PPP1R21: variants seen among roughly 807,000 people sequenced by gnomAD.
The protein encoded by PPP1R21 is KLRAQ motif containing 1.
Under a neutral mutation model 112.8 loss-of-function variants are expected in PPP1R21, and 85 were observed. The ratio of observed to expected loss-of-function variants is 0.75; its 90% CI spans 0.63 to 0.90. The LOEUF (loss-of-function observed/expected upper bound fraction) is 0.90, where lower values mean the gene tolerates loss of function less well. PPP1R21 is among the 40% of genes least tolerant of loss of function. The pLI, the probability that PPP1R21 is intolerant of heterozygous loss-of-function variation, is 0.00. For synonymous variants in PPP1R21, 381 were observed against 322.3 expected, an observed-to-expected ratio of 1.18 and a Z score of -1.95; for missense variants, 1,199 against 901.5, an observed-to-expected ratio of 1.33 and a Z score of -4.23.
intron 9 of PPP1R21, among the ~76,000 whole-genome samples, chr2:48,469,567 CAT>C (rs58651401): frequency 3.0e-4 from 26 of 87,086 alleles, no homozygotes; most frequent in African/African-American, 7.7e-4. Flanking sequence ...AGAGAGAGAG[CAT>C]ATATATATAT....
chr2:48,504,273 T>C (rs1346750745), intron 17 of PPP1R21, among the ~76,000 whole-genome samples: 1 of 152,188 alleles, frequency 6.6e-6, no homozygotes, highest in African/African-American at 2.4e-5. Context: ...GGCATAACAT[T>C]CATTAGTACA....
In PPP1R21 at chr2:48,498,746, T is replaced by A. The variant is rs754046726; in HGVS notation, c.1935+11T>A. ...CAGAGCACCAGTCTAGTAAGTGTCT[T>A]CTTGGTTGTCCTCAGTTTTCTTTTT... On this transcript the variant is annotated intron_variant, in intron 17 of 21. Coordinates refer to ENST00000294952, the MANE Select transcript of PPP1R21 (RefSeq NM_001135629.3). 3 of 1,611,086 alleles carry A rather than the reference T, an allele frequency of 1.9e-6. No individual in the cohort carries two copies. The South Asian group carries it at 3.3e-5, about 18-fold the overall frequency.
At position 48,469,535 on chromosome 2, in the gene PPP1R21, T is replaced by TATAG. The variant is rs1553339307; in HGVS notation, c.898-1551_898-1550insTAGA. ...ATATATATATATATATATATATATA[T>TATAG]AGAGCATATATATATATAGAGAGAG... On this transcript the variant is annotated intron_variant, in intron 9 of 21. Coordinates refer to ENST00000294952, the MANE Select transcript of PPP1R21 (RefSeq NM_001135629.3). 6.8e-5 allele frequency among the ~76,000 whole-genome samples: 5 copies of TATAG among 73,224 alleles called. 1 individual carries two copies. Among genetic ancestry groups the TATAG allele is most frequent in the South Asian group, 9.4e-4 (2 of 2,124 alleles). The allele number at this position is 73,224 out of a possible 152,430, so 48.0% of individuals were successfully genotyped here.
intron 8 of PPP1R21, 102 bp downstream of exon 8, chr2:48,465,091 C>A: frequency 2.3e-6 from 2 of 880,444 alleles, no homozygotes; most frequent in African/African-American, 1.8e-5. Flanking sequence ...TGCATTCAGT[C>A]ATTGCATTTA....
intron 8 of PPP1R21, among the ~76,000 whole-genome samples, chr2:48,465,203 C>T (rs1426096662): frequency 6.6e-6 from 1 of 152,164 alleles, no homozygotes; most frequent in African/African-American, 2.4e-5. Context: ...TGTCTGATAA[C>T]ATTAGAACTA....
In PPP1R21 at chr2:48,503,758, C is replaced by G. The variant is rs370943384; in HGVS notation, c.1936-1806C>G. On this transcript the variant is annotated intron_variant, in intron 17 of 21. Coordinates refer to ENST00000294952, the MANE Select transcript of PPP1R21 (RefSeq NM_001135629.3). ...GTCAAGAGTTCGAAACCAGCCTGGC[C>G]AACATGGTGAAACCCCATCTCTACT... Among the ~76,000 whole-genome samples, 19 of 151,554 alleles carry G rather than the reference C, an allele frequency of 1.3e-4. No homozygotes were observed. The South Asian group carries it at 3.6e-3, about 28-fold the overall frequency.
rs1434935408 is a variant in PPP1R21 at position 48,454,587 on chromosome 2, T to C, written c.127-8T>C. 6.2e-7 allele frequency: 1 copy of C among 1,614,028 alleles called. No homozygotes were observed. The highest frequency in any genetic ancestry group is 8.5e-7 in the Non-Finnish European group (1 of 1,179,934). On this transcript the variant is annotated splice_region_variant and splice_polypyrimidine_tract_variant and intron_variant, in intron 2 of 21. Coordinates refer to ENST00000294952, the MANE Select transcript of PPP1R21 (RefSeq NM_001135629.3). ...TGTGAGGACCAATCTGTTTTCACTT[T>C]GATATAGGAGCAACTGAAAATGAAG...
At chr2:48,505,178 G>T (rs1288782923) in intron 17 of PPP1R21, among the ~76,000 whole-genome samples, 9 of 152,186 alleles carry the variant, frequency 5.9e-5, no homozygotes, top group African/African-American at 1.2e-4. Context: ...TGTTTGGAAT[G>T]TTTAATTATT....
chr2:48,502,022 C>G (rs575822766), intron 17 of PPP1R21: 5 of 152,106 alleles, frequency 3.3e-5, no homozygotes, highest in Non-Finnish European at 7.3e-5. Context: ...GCTGAAGAAG[C>G]ACAATGCTGG....
intron 19 of PPP1R21, among the ~76,000 whole-genome samples, chr2:48,508,909 C>T (rs557589278): frequency 9.0e-4 from 137 of 152,192 alleles, no homozygotes; most frequent in African/African-American, 3.2e-3. Context: ...TTTAAATTGT[C>T]CTACTTTTTC....
chr2:48,465,076 T>C, intron 8 of PPP1R21, 87 bp downstream of exon 8: 3 of 989,526 alleles, frequency 3.0e-6, no homozygotes, highest in Middle Eastern at 2.1e-4. Flanking sequence ...TGGACCTCTG[T>C]TTAGTGCATT....
intron 9 of PPP1R21, among the ~76,000 whole-genome samples, chr2:48,468,505 TC>T (rs1482793863): frequency 6.6e-6 from 1 of 152,178 alleles, no homozygotes; most frequent in Non-Finnish European, 1.5e-5. Flanking sequence ...CTTTTATACT[TC>T]CTGTAATATT....
intron 21 of PPP1R21, among the ~76,000 whole-genome samples, chr2:48,511,871 T>TA (rs780744492): frequency 7.9e-5 from 12 of 151,222 alleles, no homozygotes; most frequent in Non-Finnish European, 1.5e-4. Flanking sequence ...ACTCTGTCTC[T>TA]AAAAAAGAAA....
intron 17 of PPP1R21, among the ~76,000 whole-genome samples, chr2:48,500,376 T>C (rs1053741746): frequency 1.3e-5 from 2 of 152,036 alleles, no homozygotes. Flanking sequence ...ATACTAGATA[T>C]ACAGATGTTT....
chr2:48,454,761 A>ACC lies in PPP1R21; in HGVS notation c.273+20_273+21insCC. 6.2e-7 allele frequency: 1 copy of ACC among 1,601,150 alleles called. No homozygotes were observed. The highest frequency in any genetic ancestry group is 8.6e-7 in the Non-Finnish European group (1 of 1,168,220). On this transcript the variant is annotated intron_variant, in intron 3 of 21. Coordinates refer to ENST00000294952, the MANE Select transcript of PPP1R21 (RefSeq NM_001135629.3). ...AACAAGGTAGGTTCAAATACAGGCAAGTTAGTGTGACCTTGTCGTTAGTTA... is the reference window on the plus strand; with the variant it reads ...AACAAGGTAGGTTCAAATACAGGCAACCGTTAGTGTGACCTTGTCGTTAGTTA...
In PPP1R21 at chr2:48,495,746, A is replaced by C. The variant is rs1411724282; in HGVS notation, c.1667A>C (p.Glu556Ala). 6.2e-7 allele frequency: 1 copy of C among 1,610,046 alleles called. No homozygotes were observed. Among genetic ancestry groups the C allele is most frequent in the Non-Finnish European group, 8.5e-7 (1 of 1,176,314 alleles). The change falls in exon 16 of 22, where the codon GAA (glutamate) becomes GCA (alanine). Residue 556 changes from glutamate (E) to alanine (A), a missense_variant. Coordinates refer to ENST00000294952, the MANE Select transcript of PPP1R21 (RefSeq NM_001135629.3). ...CGCCGCATCCTTCTCAGCTCTACTG[A>C]AAGTCGAGAAGGCCTTGCACAGCAA... ...ANRRILLSST[E>A]SREGLAQQVQ... is the part of the protein sequence containing the mutation.
At chr2:48,476,145 G>A (rs1668746160) in intron 12 of PPP1R21, among the ~76,000 whole-genome samples, 2 of 151,964 alleles carry the variant, frequency 1.3e-5, no homozygotes, top group Admixed American at 6.6e-5. Context: ...GTAAACCCTA[G>A]TAATTTACAT....
intron 14 of PPP1R21, among the ~76,000 whole-genome samples, chr2:48,489,429 A>G (rs1387558100): frequency 6.6e-6 from 1 of 150,604 alleles, no homozygotes; most frequent in Non-Finnish European, 1.5e-5. Context: ...TGAGCCCAGG[A>G]GGTTGAGGCT....
rs570237052 is a variant in PPP1R21 at position 48,449,089 on chromosome 2, T to A, written c.58-1919T>A. On this transcript the variant is annotated intron_variant, in intron 1 of 21. Coordinates refer to ENST00000294952, the MANE Select transcript of PPP1R21 (RefSeq NM_001135629.3). The stretch of plus-strand genomic sequence containing the variant: ...ATCTTTTAATATTTTATCTTCCCTT[T>A]TAAAGTGTAAGTTCTTTGAAAATAG... 8.5e-5 allele frequency among the ~76,000 whole-genome samples: 13 copies of A among 152,200 alleles called. 1 individual carries two copies. In the East Asian group the frequency reaches 2.3e-3, roughly 27 times the overall value.
Sources: allele counts gnomAD v4.1 joint callset (sites outside exome capture counted in the v4.1 genomes callset), GRCh38; gene constraint gnomAD v4.1.1; transcripts MANE v1.5; gene names NCBI Gene and HGNC (gene_info 2026-07-23, HGNC 2026-07-21).